Variants in PPIB observed in about 807,000 individuals in gnomAD.
PPIB encodes peptidylprolyl isomerase B, also known as peptidyl-prolyl cis-trans isomerase B.
PPIB carries 15 observed loss-of-function variants against 20.1 expected under a neutral mutation model. The observed-to-expected ratio is 0.75, with a 90% CI of 0.50 to 1.15. PPIB has a LOEUF of 1.15. Among genes scored for constraint, PPIB ranks in the 50% most tolerant of loss-of-function variants. The pLI is 0.00. For missense variants in PPIB, 278 were observed against 283.0 expected (o/e 0.98, Z 0.13); for synonymous variants, 129 against 111.0 (o/e 1.16, Z -1.02).
chr15:64,162,509 A>G (rs1472311300), intron 1 of PPIB, among the ~76,000 whole-genome samples: 1 of 152,224 alleles, frequency 6.6e-6, no homozygotes, highest in Non-Finnish European at 1.5e-5. Context: ...TTGTAATTGG[A>G]AGTGGCTAAA....
rs965675881 is a variant in PPIB, at chr15:64,160,184, T to C, written c.263A>G (p.Tyr88Cys). ...ALATGEKGFG[Y>C]KNSKFHRVIK... ...TACACGATGGAATTTGCTGTTTTTGTAGCCAAATCCTTTCTAGAAAAAGGG... is the reference window on the plus strand; with the variant it reads ...TACACGATGGAATTTGCTGTTTTTGCAGCCAAATCCTTTCTAGAAAAAGGG... The change falls in exon 3 of 5, where the codon TAC becomes TGC. Residue 88 changes from tyrosine to cysteine, a missense_variant. Coordinates refer to ENST00000300026, the MANE Select transcript of PPIB (RefSeq NM_000942.5). The surrounding 1 kb of genome is among the most constrained non-coding windows in gnomAD (Gnocchi z 4.8). 14 of 1,613,166 alleles carry C rather than the reference T, an allele frequency of 8.7e-6. No individual in the cohort carries two copies. The highest frequency in any genetic ancestry group is 2.2e-5 in the East Asian group (1 of 44,890).
In PPIB at chr15:64,156,180, G is replaced by A. The variant is rs1308866459; in HGVS notation, c.529-35C>T. The stretch of plus-strand genomic sequence containing the variant: ...AAAGGTGGAAGCAGGAGGGCATGGT[G>A]GATCAGGAGGTCCACCGCTCAGGAG... On this transcript the variant is annotated intron_variant, in intron 4 of 4. Coordinates refer to ENST00000300026, the MANE Select transcript of PPIB (RefSeq NM_000942.5). This position sits in a 1 kb window ranked among gnomAD's most constrained non-coding sequence, Gnocchi z 6.4. 2.5e-6 allele frequency: 4 copies of A among 1,612,968 alleles called. No homozygotes were observed. Among genetic ancestry groups the A allele is most frequent in the Non-Finnish European group, 3.4e-6 (4 of 1,179,700 alleles).
Position 64,162,936 on chromosome 15 carries a change from G to T in PPIB, c.51C>A (p.Leu17=). Reference sequence around the variant, plus strand: ...GCAGGAAGAAGACGGACCCCGCGATGAGGGCGGCGGCAAGGAGCACCTTCA... The same window carrying T: ...GCAGGAAGAAGACGGACCCCGCGATTAGGGCGGCGGCAAGGAGCACCTTCA... ...RNMKVLLAAA[L]IAGSVFFLLL... Residue 17 remains leucine (L), a synonymous_variant, in exon 1 of 5, where the codon CTC becomes CTA. Coordinates refer to ENST00000300026, the MANE Select transcript of PPIB (RefSeq NM_000942.5). The T allele has an allele frequency of 6.2e-7, 1 of 1,613,652 alleles. No homozygotes were observed. The highest frequency in any genetic ancestry group is 8.5e-7 in the Non-Finnish European group (1 of 1,179,894).
rs2081532683 is a variant in PPIB at position 64,156,496 on chromosome 15, A to AG, written c.528+228dup. On this transcript the variant is annotated intron_variant, in intron 4 of 4. Transcript: ENST00000300026. This position sits in a 1 kb window ranked among gnomAD's most constrained non-coding sequence, Gnocchi z 6.4. ...CGTCACTGAGTGAAGGAGGGGAGGG[A>AG]GGCTCTGGCAGTTGTGCAGCCTTCC... 1 of 639,860 alleles carries AG rather than the reference A, an allele frequency of 1.6e-6. No individual in the cohort carries two copies. Among genetic ancestry groups the AG allele is most frequent in the Admixed American group, 2.6e-5 (1 of 38,860 alleles). The allele number at this position is 639,860 out of a possible 1,614,324, so 39.6% of individuals were successfully genotyped here. A position where few individuals can be genotyped will look rare whatever the true frequency, so the allele number is the denominator to read the frequency against.
chr15:64,162,918 G>A lies in PPIB; in HGVS notation c.69C>T (p.Phe23=), dbSNP rs1301621606. ...CAGAAGGTCCCGGCAGCAGCAGGAA[G>A]AAGACGGACCCCGCGATGAGGGCGG... ...LAAALIAGSV[F]FLLLPGPSAA... The change falls in exon 1 of 5, where the codon TTC becomes TTT. Residue 23 remains phenylalanine (F), a synonymous_variant. Transcript: ENST00000300026. The A allele has an allele frequency of 2.5e-6, 4 of 1,613,422 alleles. No individual in the cohort carries two copies. Among genetic ancestry groups the A allele is most frequent in the African/African-American group, 1.3e-5 (1 of 74,932 alleles).
In PPIB at chr15:64,162,036, C is replaced by T. The variant is rs1349122811; in HGVS notation, c.249+5G>A. 1.2e-6 allele frequency: 2 copies of T among 1,602,858 alleles called. No individual in the cohort carries two copies. The highest frequency in any genetic ancestry group is 1.7e-4 in the Middle Eastern group (1 of 6,044). On this transcript the variant is annotated splice_donor_5th_base_variant and intron_variant, in intron 2 of 4. Transcript: ENST00000300026. ...GAGTTGACTACCCCTGCTCCAGCCA[C>T]TTACCTCTCCTGTAGCTAAGGCCAC... is the stretch of plus-strand genomic sequence containing the variant.
At position 64,156,318 on chromosome 15, in the gene PPIB, G is replaced by C. The variant is rs867471783; in HGVS notation, c.529-173C>G. The C allele has an allele frequency of 1.5e-5, 13 of 874,664 alleles. No individual in the cohort carries two copies. The highest frequency in any genetic ancestry group is 1.1e-4 in the East Asian group (4 of 37,698). The allele number at this position is 874,664 out of a possible 1,614,324, so 54.2% of individuals were successfully genotyped here. A position where few individuals can be genotyped will look rare whatever the true frequency, so the allele number is the denominator to read the frequency against. On this transcript the variant is annotated intron_variant, in intron 4 of 4. Transcript: ENST00000300026. This position sits in a 1 kb window ranked among gnomAD's most constrained non-coding sequence, Gnocchi z 6.4. Reference sequence around the variant, plus strand: ...TCCTGGCCAGAGCAGGGAGAATGCAGATTTGACGAGGGGGTACAGGAATTT... The same window carrying C: ...TCCTGGCCAGAGCAGGGAGAATGCACATTTGACGAGGGGGTACAGGAATTT...
chr15:64,157,153 G>T lies in PPIB; in HGVS notation c.344-244C>A. On this transcript the variant is annotated intron_variant, in intron 3 of 4. Transcript: ENST00000300026. The surrounding 1 kb of genome is among the most constrained non-coding windows in gnomAD (Gnocchi z 4.2). ...ACAGCTCACAGAAGGATTACTTTGA[G>T]AAGATAGTTTTGTGGCTTTTAAATA... 1 of 574,038 alleles carries T rather than the reference G, an allele frequency of 1.7e-6. No homozygotes were observed. The highest frequency in any genetic ancestry group is 3.0e-5 in the Admixed American group (1 of 32,992). 35.6% of individuals were successfully genotyped at this position (574,038 alleles called of 1,614,324 possible).
In PPIB at chr15:64,155,868, A is replaced by AGTT; in HGVS notation, c.*152_*154dup. The stretch of plus-strand genomic sequence containing the variant: ...TTTTTTATTGGTCAGTGTTGGTAGG[A>AGTT]GTTTGTTACAAAAGTGAGTCCATGG... On this transcript the variant is annotated 3_prime_UTR_variant, in exon 5 of 5. Transcript: ENST00000300026. 2.9e-6 allele frequency: 3 copies of AGTT among 1,044,636 alleles called. No individual in the cohort carries two copies. The highest frequency in any genetic ancestry group is 4.4e-6 in the Non-Finnish European group (3 of 685,258). 64.7% of individuals were successfully genotyped at this position (1,044,636 alleles called of 1,614,324 possible). A position where few individuals can be genotyped will look rare whatever the true frequency, so the allele number is the denominator to read the frequency against.
chr15:64,160,005 G>T lies in PPIB; in HGVS notation c.343+99C>A. On this transcript the variant is annotated intron_variant, in intron 3 of 4. Transcript: ENST00000300026. This position sits in a 1 kb window ranked among gnomAD's most constrained non-coding sequence, Gnocchi z 4.8. The stretch of plus-strand genomic sequence containing the variant: ...AGTAATAAGTAGGCCTGCCTCTAGA[G>T]CTGGGGAAGAAAGAGGCCTGGTCTC... 1 of 1,056,628 alleles carries T rather than the reference G, an allele frequency of 9.5e-7. No homozygotes were observed. The highest frequency in any genetic ancestry group is 1.5e-6 in the Non-Finnish European group (1 of 676,876). The allele number at this position is 1,056,628 out of a possible 1,614,324, so 65.5% of individuals were successfully genotyped here.
In PPIB at chr15:64,156,155, A is replaced by T; in HGVS notation, c.529-10T>A. 1 of 1,614,064 alleles carries T rather than the reference A, an allele frequency of 6.2e-7. No homozygotes were observed. The highest frequency in any genetic ancestry group is 8.5e-7 in the Non-Finnish European group (1 of 1,180,022). ...CCTTCCGCACCACCTCCTGGAAAAG[A>T]AAGGTGGAAGCAGGAGGGCATGGTG... On this transcript the variant is annotated splice_polypyrimidine_tract_variant and intron_variant, in intron 4 of 4. Transcript: ENST00000300026. The surrounding 1 kb of genome is among the most constrained non-coding windows in gnomAD (Gnocchi z 6.4).
chr15:64,161,016 AG>A lies in PPIB; in HGVS notation c.250-820del, dbSNP rs2081560844. On this transcript the variant is annotated intron_variant, in intron 2 of 4. Transcript: ENST00000300026. The surrounding 1 kb of genome is among the most constrained non-coding windows in gnomAD (Gnocchi z 4.2). ...CCTCTTGTTGCCCAGGCTAGAGTGC[AG>A]TGGGGCAATCTCGGCTCACTGCAAC... Among the ~76,000 whole-genome samples the A allele has an allele frequency of 6.6e-6, 1 of 151,824 alleles. No individual in the cohort carries two copies. Among genetic ancestry groups the A allele is most frequent in the East Asian group, 1.9e-4 (1 of 5,170 alleles).
chr15:64,163,013 G>C lies in PPIB; in HGVS notation c.-27C>G, dbSNP rs747032527. On this transcript the variant is annotated 5_prime_UTR_variant, in exon 1 of 5. Coordinates refer to ENST00000300026, the MANE Select transcript of PPIB (RefSeq NM_000942.5). The stretch of plus-strand genomic sequence containing the variant: ...CACAGGCGGAGGCGAAAGCAGCCCG[G>C]ACAGCTGAGGCCGGAAGAGGGTGGG... The C allele has an allele frequency of 4.6e-5, 73 of 1,587,468 alleles. No homozygotes were observed. The Admixed American group carries it at 1.2e-3, about 26-fold the overall frequency.
rs1183428507 is a variant in PPIB, at chr15:64,160,486, C to A, written c.250-289G>T. On this transcript the variant is annotated intron_variant, in intron 2 of 4. Transcript: ENST00000300026. The surrounding 1 kb of genome is among the most constrained non-coding windows in gnomAD (Gnocchi z 4.8). ...TTTCTTCCAATCATAAGAACAGATA[C>A]AAGAAAACTGAGAAGAAAGGTCACC... Among the ~76,000 whole-genome samples the A allele has an allele frequency of 6.6e-6, 1 of 152,114 alleles. No homozygotes were observed. The highest frequency in any genetic ancestry group is 1.9e-4 in the East Asian group (1 of 5,202).
Position 64,158,306 on chromosome 15 carries a change from G to A in PPIB, c.344-1397C>T, listed in dbSNP as rs73462557. ...TAGTGTGAGCCAGAGACTGTTCCAA[G>A]CATCTTACATATTTAACAATCCACT... is the stretch of plus-strand genomic sequence containing the variant. On this transcript the variant is annotated intron_variant, in intron 3 of 4. Coordinates refer to ENST00000300026, the MANE Select transcript of PPIB (RefSeq NM_000942.5). The surrounding 1 kb of genome is among the most constrained non-coding windows in gnomAD (Gnocchi z 4.7). Among the ~76,000 whole-genome samples, 41 of 152,272 alleles carry A rather than the reference G, an allele frequency of 2.7e-4. No individual in the cohort carries two copies. Among genetic ancestry groups the A allele is most frequent in the African/African-American group, 9.6e-4 (40 of 41,550 alleles).
chr15:64,162,804 G>T lies in PPIB; in HGVS notation c.135+48C>A, dbSNP rs183473433. 547 of 1,592,404 alleles carry T rather than the reference G, an allele frequency of 3.4e-4. 2 individuals carry two copies. In the African/African-American group the frequency reaches 6.5e-3, roughly 19 times the overall value. ...GCTGAGCCAAGGCCAAGCCAAGGCC[G>T]CCCGGGCCCGAGCTCCGGCACCGTA... On this transcript the variant is annotated intron_variant, in intron 1 of 4. Transcript: ENST00000300026.
In PPIB at chr15:64,161,597, T is replaced by C. The variant is rs1285970165; in HGVS notation, c.249+444A>G. On this transcript the variant is annotated intron_variant, in intron 2 of 4. Coordinates refer to ENST00000300026, the MANE Select transcript of PPIB (RefSeq NM_000942.5). This position sits in a 1 kb window ranked among gnomAD's most constrained non-coding sequence, Gnocchi z 4.2. ...AAAATTAGCCAAGCGTGGTGGCGCA[T>C]GCCTGTAATCCCAGCTACTCAGGAG... Among the ~76,000 whole-genome samples, 1 of 151,902 alleles carries C rather than the reference T, an allele frequency of 6.6e-6. No individual in the cohort carries two copies. Among genetic ancestry groups the C allele is most frequent in the Non-Finnish European group, 1.5e-5 (1 of 67,966 alleles).
chr15:64,157,123 G>A lies in PPIB; in HGVS notation c.344-214C>T, dbSNP rs1378454515. On this transcript the variant is annotated intron_variant, in intron 3 of 4. Coordinates refer to ENST00000300026, the MANE Select transcript of PPIB (RefSeq NM_000942.5). The surrounding 1 kb of genome is among the most constrained non-coding windows in gnomAD (Gnocchi z 4.2). ...GTGGGGCATCAGGCCAGGCTGATGT[G>A]GTGAACAGCTCACAGAAGGATTACT... 1 of 597,872 alleles carries A rather than the reference G, an allele frequency of 1.7e-6. No homozygotes were observed. Among genetic ancestry groups the A allele is most frequent in the Non-Finnish European group, 3.0e-6 (1 of 336,556 alleles). 37.0% of individuals were successfully genotyped at this position (597,872 alleles called of 1,614,324 possible). A position where few individuals can be genotyped will look rare whatever the true frequency, so the allele number is the denominator to read the frequency against.
In PPIB at chr15:64,157,386, G is replaced by T; in HGVS notation, c.344-477C>A. The T allele has an allele frequency of 5.6e-6, 1 of 180,178 alleles. No individual in the cohort carries two copies. The allele number at this position is 180,178 out of a possible 1,614,324, so 11.2% of individuals were successfully genotyped here. On this transcript the variant is annotated intron_variant, in intron 3 of 4. Transcript: ENST00000300026. The surrounding 1 kb of genome is among the most constrained non-coding windows in gnomAD (Gnocchi z 4.2). ...GAGGAGAAAGCAGCCAGAGATGTGT[G>T]GGGAGGGGCAGAAAAGAGGGGCTGC...
Sources: allele counts gnomAD v4.1 joint callset (sites outside exome capture counted in the v4.1 genomes callset), GRCh38; gene constraint gnomAD v4.1.1; non-coding constraint Gnocchi (gnomAD v3.1); transcripts MANE v1.5; gene names NCBI Gene and HGNC (gene_info 2026-07-23, HGNC 2026-07-21).